Variants in MTIF2 observed in about 807,000 individuals in gnomAD.
MTIF2 encodes translation initiation factor IF-2, mitochondrial.
In MTIF2, 71 loss-of-function variants were observed where a neutral mutation model predicts 83.5. That is an observed-to-expected ratio of 0.85 (90% CI 0.70 to 1.04). MTIF2 has a LOEUF of 1.04. Ranked by LOEUF, MTIF2 falls within the 50% of genes least tolerant of loss-of-function variation. The probability of loss-of-function intolerance (pLI) is 0.00; values close to 1 mark genes in which losing one functional copy is unlikely to be tolerated. For missense variants in MTIF2, 957 were observed against 846.5 expected (o/e 1.13, Z -1.62); for synonymous variants, 319 against 287.1 (o/e 1.11, Z -1.12).
intron 8 of MTIF2, among the ~76,000 whole-genome samples, chr2:55,251,110 C>CAAAAAAAAAAAAAAAAAAA (rs57949152): frequency 2.8e-5 from 2 of 71,152 alleles, no homozygotes; most frequent in Non-Finnish European, 2.7e-5. Flanking sequence ...AACTCCGTCT[C>CAAAAAAAAAAAAAAAAAAA]AAAAAAAAAA....
At chr2:55,245,190 C>G (rs1313353425) in intron 10 of MTIF2, among the ~76,000 whole-genome samples, 3 of 152,082 alleles carry the variant, frequency 2.0e-5, no homozygotes, top group Non-Finnish European at 4.4e-5. Context: ...CTGTATGATT[C>G]CACTCATATG....
chr2:55,250,657 T>G (rs945664264), intron 8 of MTIF2, among the ~76,000 whole-genome samples: 1 of 152,198 alleles, frequency 6.6e-6, no homozygotes, highest in African/African-American at 2.4e-5. Context: ...AATCTTTTAA[T>G]CTACTTACTA....
chr2:55,244,813 G>A (rs573446249), intron 10 of MTIF2, among the ~76,000 whole-genome samples: 11 of 152,046 alleles, frequency 7.2e-5, no homozygotes, highest in Non-Finnish European at 1.5e-4. Flanking sequence ...TTGGGAGGCC[G>A]AGGCAGGTAG....
intron 8 of MTIF2, among the ~76,000 whole-genome samples, chr2:55,251,737 C>CCT (rs1042418242): frequency 6.6e-6 from 1 of 152,204 alleles, no homozygotes; most frequent in African/African-American, 2.4e-5. Flanking sequence ...GATTCTCCTG[C>CCT]CTCAGCCTCC....
At chr2:55,256,025 C>T (rs112165848) in intron 5 of MTIF2, among the ~76,000 whole-genome samples, 79 of 152,140 alleles carry the variant, frequency 5.2e-4, no homozygotes, top group African/African-American at 1.6e-3. Context: ...TGCAAGTGCA[C>T]GCCACCATCC....
In MTIF2 at chr2:55,263,854, T is replaced by A. The variant is rs575732874; in HGVS notation, c.5A>T (p.Asn2Ile). Residue 2 changes from asparagine to isoleucine, a missense_variant, in exon 4 of 16, where the codon AAC (asparagine) becomes ATC (isoleucine). By Grantham distance (149) the Asn-to-Ile change is moderately radical (BLOSUM62 -3). This residue lies in a region of MTIF2 where 733 missense variants were observed against 648.7 expected (regional missense o/e 1.13). Coordinates refer to ENST00000263629, the MANE Select transcript of MTIF2 (RefSeq NM_002453.3). MNQKLLKLENLL... is the reference protein window; with the variant it reads MIQKLLKLENLL... ...GTTCTCCAACTTCAGTAGCTTCTGG[T>A]TCATGTTTCTCCTGGGGAAAAAAAA... 5.5e-5 allele frequency: 88 copies of A among 1,609,538 alleles called. No individual in the cohort carries two copies. The African/African-American group carries it at 8.3e-4, about 15-fold the overall frequency.
At chr2:55,254,350 T>TA (rs1553372864) in intron 6 of MTIF2, 149 bp from the exon 7 acceptor site, 5 of 840,378 alleles carry the variant, frequency 5.9e-6, no homozygotes, top group South Asian at 2.1e-5. Flanking sequence ...CTCCTATACA[T>TA]ATGACAGACT....
intron 9 of MTIF2, among the ~76,000 whole-genome samples, chr2:55,248,649 A>T (rs1349869200): frequency 1.3e-5 from 2 of 152,234 alleles, no homozygotes; most frequent in Admixed American, 6.5e-5. Context: ...TATAAATAAC[A>T]TTTTAAAACA....
chr2:55,245,067 A>AT (rs1229678006), intron 10 of MTIF2, among the ~76,000 whole-genome samples: 2 of 152,190 alleles, frequency 1.3e-5, no homozygotes, highest in African/African-American at 4.8e-5. Flanking sequence ...AAATTAAAAA[A>AT]TAAATAAATA....
intron 3 of MTIF2, among the ~76,000 whole-genome samples, chr2:55,264,317 G>C (rs1041223940): frequency 6.6e-6 from 1 of 152,070 alleles, no homozygotes; most frequent in Non-Finnish European, 1.5e-5. Context: ...TTGCAGCCTC[G>C]ACCTCCCAGG....
intron 3 of MTIF2, among the ~76,000 whole-genome samples, chr2:55,264,553 T>G (rs1048544995): frequency 2.0e-4 from 30 of 152,186 alleles, no homozygotes; most frequent in Admixed American, 1.7e-3. Flanking sequence ...TCTTACACTC[T>G]TAGAGTCTCT....
rs745980045 is a variant in MTIF2, at chr2:55,254,132, G to A, written c.573C>T (p.His191=). The change falls in exon 7 of 16, where the codon CAC becomes CAT. Residue 191 remains histidine, a synonymous_variant. Coordinates refer to ENST00000263629, the MANE Select transcript of MTIF2 (RefSeq NM_002453.3). The part of the protein sequence containing the change: ...PVVTIMGHVD[H]GKTTLLDKFR... ...ATTTGTCAAGTAATGTCGTTTTCCC[G>A]TGATCAACATGGCCCATTATAGTAA... The A allele has an allele frequency of 2.4e-5, 39 of 1,613,986 alleles. No homozygotes were observed. Among genetic ancestry groups the A allele is most frequent in the African/African-American group, 1.9e-4 (14 of 74,912 alleles).
At chr2:55,254,580 C>A (rs1194833143) in intron 6 of MTIF2, 74 bp downstream of exon 6, 2 of 1,260,576 alleles carry the variant, frequency 1.6e-6, no homozygotes, top group Non-Finnish European at 2.1e-6. Flanking sequence ...TAAAGCAAAT[C>A]TTTCCATTAA....
At chr2:55,257,869 C>T (rs1677665771) in intron 5 of MTIF2, among the ~76,000 whole-genome samples, 3 of 152,176 alleles carry the variant, frequency 2.0e-5, no homozygotes, top group Admixed American at 2.0e-4. Flanking sequence ...AATCTCAGCT[C>T]ACTGCAACCT....
chr2:55,243,435 T>C lies in MTIF2; in HGVS notation c.1545A>G (p.Val515=). 1 of 1,606,802 alleles carries C rather than the reference T, an allele frequency of 6.2e-7. No individual in the cohort carries two copies. Among genetic ancestry groups the C allele is most frequent in the Non-Finnish European group, 8.5e-7 (1 of 1,175,142 alleles). ...PKEKRERDSN[V]LSVIIKGDVD... ...AGATACCTTTAATAATCACAGAAAG[T>C]ACATTTGAATCTCTTTCCCTTTTCT... is the stretch of plus-strand genomic sequence containing the variant. The change falls in exon 12 of 16, where the codon GTA becomes GTG. Residue 515 remains valine, a synonymous_variant. Transcript: ENST00000263629.
intron 5 of MTIF2, among the ~76,000 whole-genome samples, chr2:55,260,787 C>T (rs1215542901): frequency 6.6e-6 from 1 of 152,102 alleles, no homozygotes; most frequent in Admixed American, 6.6e-5. Flanking sequence ...CCCCAAGAGT[C>T]TGTTACACTT....
intron 3 of MTIF2, among the ~76,000 whole-genome samples, chr2:55,264,473 G>A (rs973687628): frequency 4.6e-5 from 7 of 152,152 alleles, no homozygotes; most frequent in Non-Finnish European, 1.0e-4. Flanking sequence ...CCGGGATCTA[G>A]TGATCCACCT....
In MTIF2 at chr2:55,237,349, C is replaced by G. The variant is rs1281012316; in HGVS notation, c.1950G>C (p.Lys650Asn). 1 of 1,613,028 alleles carries G rather than the reference C, an allele frequency of 6.2e-7. No homozygotes were observed. The highest frequency in any genetic ancestry group is 8.5e-7 in the Non-Finnish European group (1 of 1,179,890). Residue 650 changes from lysine (K) to asparagine (N), a missense_variant, in exon 15 of 16, where the codon AAG (lysine) becomes AAC (asparagine). Lys to Asn is a moderately conservative substitution (Grantham distance 94, BLOSUM62 0). Transcript: ENST00000263629. ...ATTTTTTTTGTTTTTCTAACTGTCCCTTTTGGACTCTGCAGCCAGCCACAG... is the reference window on the plus strand; with the variant it reads ...ATTTTTTTTGTTTTTCTAACTGTCCGTTTTGGACTCTGCAGCCAGCCACAG... Reference protein sequence around the residue: ...KVPVAGCRVQKGQLEKQKKFK... With the variant: ...KVPVAGCRVQNGQLEKQKKFK...
chr2:55,239,757 G>C (rs1468442950), intron 14 of MTIF2, among the ~76,000 whole-genome samples: 2 of 152,010 alleles, frequency 1.3e-5, no homozygotes, highest in African/African-American at 4.8e-5. Context: ...ATAATTATTT[G>C]TTCATATTTA....
Sources: gnomAD v4.1 joint callset for allele counts (sites outside exome capture counted in the v4.1 genomes callset) on GRCh38, gnomAD v4.1.1 for gene constraint, gnomAD v4.1.1 regional missense constraint, MANE v1.5 for transcripts, NCBI Gene and HGNC (gene_info 2026-07-23, HGNC 2026-07-21) for gene names.